Variants in PIP5K1B observed in about 807,000 individuals in gnomAD.
The protein encoded by PIP5K1B is phosphatidylinositol 4-phosphate 5-kinase type-1 beta.
A neutral mutation model predicts 67.0 loss-of-function variants in PIP5K1B; 42 were observed. The ratio of observed to expected loss-of-function variants is 0.63; its 90% CI spans 0.49 to 0.81. The LOEUF (loss-of-function observed/expected upper bound fraction) is 0.81, where lower values mean the gene tolerates loss of function less well. PIP5K1B is among the 30% of genes least tolerant of loss of function. The probability of loss-of-function intolerance (pLI) is 0.00; values close to 1 mark genes in which losing one functional copy is unlikely to be tolerated. For synonymous variants in PIP5K1B, 214 were observed against 231.4 expected (o/e 0.92, Z 0.68); for missense variants, 459 against 646.3 (o/e 0.71, Z 3.14).
At chr9:68,956,745 A>G (rs1250911793) in intron 14 of PIP5K1B, among the ~76,000 whole-genome samples, 1 of 152,238 alleles carries the variant, frequency 6.6e-6, no homozygotes, top group Non-Finnish European at 1.5e-5. Flanking sequence ...GCCAAGTAAC[A>G]GGTAAGTATG....
At chr9:68,912,294 T>C (rs184224751) in intron 8 of PIP5K1B, among the ~76,000 whole-genome samples, 2 of 150,256 alleles carry the variant, frequency 1.3e-5, no homozygotes, top group East Asian at 3.9e-4. Flanking sequence ...CACTCAAACA[T>C]TTTTTTTTCC....
chr9:68,849,527 A>G (rs778763448), intron 4 of PIP5K1B, among the ~76,000 whole-genome samples: 2 of 152,088 alleles, frequency 1.3e-5, no homozygotes, highest in Non-Finnish European at 2.9e-5. Flanking sequence ...CACCATACCC[A>G]GCTAATTTTT....
intron 2 of PIP5K1B, among the ~76,000 whole-genome samples, chr9:68,751,660 T>C (rs778621457): frequency 6.6e-6 from 1 of 152,242 alleles, no homozygotes; most frequent in Non-Finnish European, 1.5e-5. Context: ...ATTTGTTAAA[T>C]GATTTTAGAA....
At chr9:68,728,804 G>A (rs1244268050) in intron 1 of PIP5K1B, 1 of 152,104 alleles carries the variant, frequency 6.6e-6, no homozygotes, top group Non-Finnish European at 1.5e-5. Context: ...GAAGGGAAAG[G>A]ATATCCAACG....
chr9:69,004,450 A>G (rs1571636), intron 15 of PIP5K1B, among the ~76,000 whole-genome samples: 151,548 of 152,144 alleles, frequency 1, 75,477 homozygotes, highest in Middle Eastern at 1. Context: ...AAGCACCAGC[A>G]CTGAGAGGGA....
At chr9:68,902,173 A>G (rs889842665) in intron 8 of PIP5K1B, among the ~76,000 whole-genome samples, 6 of 152,194 alleles carry the variant, frequency 3.9e-5, no homozygotes, top group African/African-American at 1.4e-4. Context: ...TTTCAGACGT[A>G]CATAGATTTA....
chr9:68,796,337 T>A (rs1397159810), intron 2 of PIP5K1B, among the ~76,000 whole-genome samples: 1 of 150,880 alleles, frequency 6.6e-6, no homozygotes, highest in Admixed American at 6.6e-5. Flanking sequence ...AATGTTCTGA[T>A]GTACATCTGA....
chr9:68,739,085 T>G (rs1348825367), intron 1 of PIP5K1B, among the ~76,000 whole-genome samples: 1 of 152,252 alleles, frequency 6.6e-6, no homozygotes, highest in Non-Finnish European at 1.5e-5. Flanking sequence ...CGACTGTTTC[T>G]CTAGCTTCCT....
chr9:68,747,138 A>T (rs1263706873), intron 2 of PIP5K1B, among the ~76,000 whole-genome samples: 2 of 151,100 alleles, frequency 1.3e-5, no homozygotes, highest in African/African-American at 2.4e-5. Flanking sequence ...AGAATTTCAC[A>T]TTCCTCCCTT....
At chr9:68,811,930 A>C (rs534041781) in intron 2 of PIP5K1B, among the ~76,000 whole-genome samples, 5 of 152,308 alleles carry the variant, frequency 3.3e-5, no homozygotes, top group Middle Eastern at 3.4e-3. Flanking sequence ...TACCACGCAG[A>C]GGTAGTGATT....
chr9:68,857,222 G>T (rs1003126206), intron 4 of PIP5K1B, among the ~76,000 whole-genome samples: 4 of 152,214 alleles, frequency 2.6e-5, no homozygotes, highest in African/African-American at 9.6e-5. Context: ...TAATAAGTTT[G>T]CATTTTTTTA....
At chr9:68,724,058 G>T (rs1034134790) in intron 1 of PIP5K1B, among the ~76,000 whole-genome samples, 3 of 151,936 alleles carry the variant, frequency 2.0e-5, no homozygotes, top group Admixed American at 1.3e-4. Flanking sequence ...TATGGTAAAA[G>T]ATAGGTATCT....
At chr9:68,751,928 G>C (rs1007072384) in intron 2 of PIP5K1B, among the ~76,000 whole-genome samples, 1 of 152,104 alleles carries the variant, frequency 6.6e-6, no homozygotes, top group African/African-American at 2.4e-5. Context: ...GACAGTGCTA[G>C]ACCTCAAGCT....
At chr9:68,870,008 T>G (rs1007075369) in intron 5 of PIP5K1B, among the ~76,000 whole-genome samples, 1 of 152,200 alleles carries the variant, frequency 6.6e-6, no homozygotes, top group Admixed American at 6.5e-5. Context: ...CAAAACTCTT[T>G]ATGTCTTTGT....
chr9:68,855,384 T>A (rs1347318452), intron 4 of PIP5K1B, among the ~76,000 whole-genome samples: 1 of 152,210 alleles, frequency 6.6e-6, no homozygotes, highest in African/African-American at 2.4e-5. Flanking sequence ...ATCATTTATA[T>A]GCTAACAACT....
chr9:68,914,729 A>G (rs1166924394), intron 8 of PIP5K1B, among the ~76,000 whole-genome samples: 1 of 152,076 alleles, frequency 6.6e-6, no homozygotes, highest in Non-Finnish European at 1.5e-5. Flanking sequence ...AAAAAAATAA[A>G]CAAATAAATA....
intron 5 of PIP5K1B, 88 bp downstream of exon 5, chr9:68,864,055 A>G (rs941396074): frequency 8.0e-7 from 1 of 1,243,566 alleles, no homozygotes; most frequent in Non-Finnish European, 1.2e-6. Context: ...TACTATGTAC[A>G]TGTTTATATG....
At chr9:68,973,175 C>T (rs1175681981) in intron 14 of PIP5K1B, among the ~76,000 whole-genome samples, 1 of 152,140 alleles carries the variant, frequency 6.6e-6, no homozygotes. Context: ...CGCAACAGCT[C>T]AGACGTAATA....
At chr9:68,832,323 A>T (rs1239345178) in intron 4 of PIP5K1B, among the ~76,000 whole-genome samples, 3 of 152,252 alleles carry the variant, frequency 2.0e-5, no homozygotes, top group Non-Finnish European at 2.9e-5. Context: ...AGTTCTGTAG[A>T]CTGTCACAGA....
Sources: gnomAD v4.1 joint callset for allele counts (sites outside exome capture counted in the v4.1 genomes callset) on GRCh38, gnomAD v4.1.1 for gene constraint, MANE v1.5 for transcripts, NCBI Gene and HGNC (gene_info 2026-07-23, HGNC 2026-07-21) for gene names.